Variants in CLK3 observed in about 807,000 individuals in gnomAD.
CLK3 encodes CDC like kinase 3.
A neutral mutation model predicts 65.2 loss-of-function variants in CLK3; 24 were observed. The observed-to-expected ratio is 0.37, with a 90% CI of 0.27 to 0.52. The LOEUF (loss-of-function observed/expected upper bound fraction) is 0.52. CLK3 is among the 20% of genes least tolerant of loss of function. The pLI is 0.92. For synonymous variants in CLK3, 252 were observed against 240.8 expected (o/e 1.05, Z -0.43); for missense variants, 506 against 660.0 (o/e 0.77, Z 2.56).
rs1301723024 is a variant in CLK3, at chr15:74,625,967, A to C, written c.816A>C (p.Arg272Ser). ...HMAYQLCHAL[R>S]FLHENQLTHT... is the part of the protein sequence containing the mutation. ...CCTACCAGCTCTGCCACGCCCTTAG[A>C]TGTAAGTGTCCACCCTCAAAAGAAG... The change falls in exon 7 of 13, where the codon AGA becomes AGC. Residue 272 changes from arginine (R) to serine (S), a missense_variant and splice_region_variant. By Grantham distance (110) the Arg-to-Ser change is moderately radical (BLOSUM62 -1). Coordinates refer to ENST00000395066, the MANE Select transcript of CLK3 (RefSeq NM_001130028.2). 3 of 1,613,862 alleles carry C rather than the reference A, an allele frequency of 1.9e-6. No homozygotes were observed. Among genetic ancestry groups the C allele is most frequent in the South Asian group, 1.1e-5 (1 of 91,072 alleles).
upstream of CLK3, among the ~76,000 whole-genome samples, chr15:74,611,154 C>T (rs950875902): frequency 1.3e-5 from 2 of 152,232 alleles, no homozygotes; most frequent in Admixed American, 6.5e-5. Flanking sequence ...TCTCAGGCAA[C>T]ACCCTGCACC....
At chr15:74,614,290 G>A (rs1342387892), upstream of CLK3, among the ~76,000 whole-genome samples, 4 of 152,296 alleles carry the variant, frequency 2.6e-5, no homozygotes, top group South Asian at 8.3e-4. Context: ...TGGGATTAGA[G>A]GGGTGAACCA....
intron 6 of CLK3, 134 bp downstream of exon 6, chr15:74,625,152 CT>C (rs2062133634): frequency 1.5e-6 from 1 of 681,074 alleles, no homozygotes. Context: ...TGGCAAAGGT[CT>C]TGCTGGAAGC....
chr15:74,615,700 G>A (rs2141534068), upstream of CLK3: 1 of 1,238,820 alleles, frequency 8.1e-7, no homozygotes, highest in Non-Finnish European at 1.0e-6. Context: ...GCGCCCGCCG[G>A]AGCGGAGAGG....
chr15:74,621,187 T>G lies in CLK3; in HGVS notation c.370-933T>G, dbSNP rs2062099935. On this transcript the variant is annotated intron_variant, in intron 3 of 12. Coordinates refer to ENST00000395066, the MANE Select transcript of CLK3 (RefSeq NM_001130028.2). This position sits in a 1 kb window ranked among gnomAD's most constrained non-coding sequence, Gnocchi z 4.8. ...GTTGAGGGTTGACTGTGCGGGCGATTGCAGCGTGGCCCTTTCACCTCTTTG... is the reference window on the plus strand; with the variant it reads ...GTTGAGGGTTGACTGTGCGGGCGATGGCAGCGTGGCCCTTTCACCTCTTTG... The G allele has an allele frequency of 6.6e-6, 1 of 152,644 alleles. No individual in the cohort carries two copies. Among genetic ancestry groups the G allele is most frequent in the Non-Finnish European group, 1.5e-5 (1 of 68,356 alleles). 9.5% of individuals were successfully genotyped at this position (152,644 alleles called of 1,614,324 possible). A position where few individuals can be genotyped will look rare whatever the true frequency, so the allele number is the denominator to read the frequency against.
At position 74,628,074 on chromosome 15, in the gene CLK3, C is replaced by G. The variant is rs749239574; in HGVS notation, c.1125+22C>G. On this transcript the variant is annotated intron_variant, in intron 10 of 12. Coordinates refer to ENST00000395066, the MANE Select transcript of CLK3 (RefSeq NM_001130028.2). ...CCAGGTACAGCCACCCTGCATTGGTCCCCTACCCTGAGTACTGCTACTGTG... is the reference window on the plus strand; with the variant it reads ...CCAGGTACAGCCACCCTGCATTGGTGCCCTACCCTGAGTACTGCTACTGTG... The G allele has an allele frequency of 1.0e-5, 16 of 1,537,810 alleles. No individual in the cohort carries two copies. The East Asian group carries it at 2.9e-4, about 28-fold the overall frequency.
At chr15:74,613,020 A>G (rs1236677986), upstream of CLK3, among the ~76,000 whole-genome samples, 1 of 152,194 alleles carries the variant, frequency 6.6e-6, no homozygotes, top group African/African-American at 2.4e-5. Flanking sequence ...AGCCCCAGGA[A>G]GGCTTTCCAG....
At chr15:74,618,913 C>G (rs1171682085) in intron 1 of CLK3, among the ~76,000 whole-genome samples, 1 of 152,280 alleles carries the variant, frequency 6.6e-6, no homozygotes, top group African/African-American at 2.4e-5. Context: ...TGCCTCAGCC[C>G]CTGGCCCTGG....
chr15:74,628,787 A>G (rs1010645624), intron 11 of CLK3, 104 bp downstream of exon 11: 17 of 1,100,960 alleles, frequency 1.5e-5, no homozygotes, highest in Admixed American at 1.3e-4. Flanking sequence ...TGGACAGTCC[A>G]TGGTTCCGCA....
Position 74,622,766 on chromosome 15 carries a change from G to C in CLK3, c.533+206G>C, listed in dbSNP as rs1200776030. Among the ~76,000 whole-genome samples, 1 of 152,142 alleles carries C rather than the reference G, an allele frequency of 6.6e-6. No individual in the cohort carries two copies. Among genetic ancestry groups the C allele is most frequent in the Non-Finnish European group, 1.5e-5 (1 of 68,032 alleles). Reference sequence around the variant, plus strand: ...AATTCTTGGGTCCTGCAGTTATGTGGCATCCCTACCCAAGAATTGTTGGTC... The same window carrying C: ...AATTCTTGGGTCCTGCAGTTATGTGCCATCCCTACCCAAGAATTGTTGGTC... On this transcript the variant is annotated intron_variant, in intron 5 of 12. Coordinates refer to ENST00000395066, the MANE Select transcript of CLK3 (RefSeq NM_001130028.2). This position sits in a 1 kb window ranked among gnomAD's most constrained non-coding sequence, Gnocchi z 4.6.
Position 74,629,966 on chromosome 15 carries a change from C to T in CLK3, c.*83C>T. 7.4e-7 allele frequency: 1 copy of T among 1,347,174 alleles called. No individual in the cohort carries two copies. The allele number at this position is 1,347,174 out of a possible 1,614,324, so 83.5% of individuals were successfully genotyped here. A position where few individuals can be genotyped will look rare whatever the true frequency, so the allele number is the denominator to read the frequency against. On this transcript the variant is annotated 3_prime_UTR_variant, in exon 13 of 13. Coordinates refer to ENST00000395066, the MANE Select transcript of CLK3 (RefSeq NM_001130028.2). ...GACTCCAGCCTCGACCGCCAGGCCC[C>T]AGGCCAGAGCCACCCAATGAACAGT...
intron 1 of CLK3, 109 bp from the exon 2 acceptor site, chr15:74,619,088 C>G: frequency 7.2e-7 from 1 of 1,387,782 alleles, no homozygotes. Flanking sequence ...GGGCCGCCTT[C>G]AAACAGAACA....
Position 74,622,474 on chromosome 15 carries a change from CA to C in CLK3, c.467-18del, listed in dbSNP as rs780851953. 8 of 1,590,770 alleles carry C rather than the reference CA, an allele frequency of 5.0e-6. No individual in the cohort carries two copies. In the East Asian group the frequency reaches 1.8e-4, roughly 36 times the overall value. ...CCCCTGCCCTCCAGATTCTCATGCC[CA>C]ATTTCTTTTCTCTCCTAGATGAGAT... is the stretch of plus-strand genomic sequence containing the variant. On this transcript the variant is annotated intron_variant, in intron 4 of 12. Transcript: ENST00000395066. The surrounding 1 kb of genome is among the most constrained non-coding windows in gnomAD (Gnocchi z 4.6).
upstream of CLK3, chr15:74,615,786 C>T: frequency 1.6e-6 from 2 of 1,243,388 alleles, no homozygotes; most frequent in South Asian, 3.4e-5. Context: ...AGGCTGGCGA[C>T]GGCTGCGTCA....
In CLK3 at chr15:74,621,489, A is replaced by G. The variant is rs1276792673; in HGVS notation, c.370-631A>G. The G allele has an allele frequency of 4.3e-5, 7 of 163,676 alleles. No homozygotes were observed. The highest frequency in any genetic ancestry group is 1.7e-4 in the Admixed American group (3 of 17,212). The allele number at this position is 163,676 out of a possible 1,614,324, so 10.1% of individuals were successfully genotyped here. The stretch of plus-strand genomic sequence containing the variant: ...GGCTGTTTCTGGTAGTGATGGTGAA[A>G]TCTGGCCAAGGATGCCGTCTGGAGG... On this transcript the variant is annotated intron_variant, in intron 3 of 12. Transcript: ENST00000395066. This position sits in a 1 kb window ranked among gnomAD's most constrained non-coding sequence, Gnocchi z 4.8.
upstream of CLK3, chr15:74,615,138 TTTGTCTAGCGGGGGAGTC>T: frequency 3.2e-6 from 1 of 309,500 alleles, no homozygotes; most frequent in African/African-American, 2.1e-5. Flanking sequence ...CGGCGGGGCT[TTTGTCTAGCGGGGGAGTC>T]TTAACTGAGA....
In CLK3 at chr15:74,621,616, C is replaced by G. The variant is rs999345548; in HGVS notation, c.370-504C>G. On this transcript the variant is annotated intron_variant, in intron 3 of 12. Coordinates refer to ENST00000395066, the MANE Select transcript of CLK3 (RefSeq NM_001130028.2). This position sits in a 1 kb window ranked among gnomAD's most constrained non-coding sequence, Gnocchi z 4.8. ...CAGGCTGGGCATTCTGCAGCTGAAG[C>G]CGGAGCAGCCGCTGACCAGTCTGGA... is the stretch of plus-strand genomic sequence containing the variant. 4.1e-6 allele frequency: 1 copy of G among 241,738 alleles called. No individual in the cohort carries two copies. The highest frequency in any genetic ancestry group is 1.0e-4 in the East Asian group (1 of 9,672). 15.0% of individuals were successfully genotyped at this position (241,738 alleles called of 1,614,324 possible). A position where few individuals can be genotyped will look rare whatever the true frequency, so the allele number is the denominator to read the frequency against.
At chr15:74,619,451 C>A in intron 2 of CLK3, 103 bp downstream of exon 2, 1 of 1,309,302 alleles carries the variant, frequency 7.6e-7, no homozygotes, top group Non-Finnish European at 1.1e-6. Flanking sequence ...CCCAGCTGTC[C>A]CTGGATCCCT....
Position 74,627,295 on chromosome 15 carries a change from C to T in CLK3, c.818-57C>T. The T allele has an allele frequency of 1.5e-6, 2 of 1,377,828 alleles. No homozygotes were observed. The highest frequency in any genetic ancestry group is 1.0e-6 in the Non-Finnish European group (1 of 965,446). 85.4% of individuals were successfully genotyped at this position (1,377,828 alleles called of 1,614,324 possible). ...ATTGGAAGAGGGGTCTGGCCTAGAG[C>T]TGGCAGGAGAGCCAGCTTCTCAGTG... On this transcript the variant is annotated intron_variant, in intron 7 of 12. Coordinates refer to ENST00000395066, the MANE Select transcript of CLK3 (RefSeq NM_001130028.2). The surrounding 1 kb of genome is among the most constrained non-coding windows in gnomAD (Gnocchi z 4.3).
Sources: allele counts gnomAD v4.1 joint callset (sites outside exome capture counted in the v4.1 genomes callset), GRCh38; gene constraint gnomAD v4.1.1; non-coding constraint Gnocchi (gnomAD v3.1); transcripts MANE v1.5; gene names NCBI Gene and HGNC (gene_info 2026-07-23, HGNC 2026-07-21).